The following CYP3A4 variants were observed in gnomAD, a reference collection of about 807,000 sequenced individuals.
CYP3A4 encodes cytochrome P450 family 3 subfamily A member 4, also known as cytochrome P450 3A4.
CYP3A4 carries 41 observed loss-of-function variants against 54.9 expected under a neutral mutation model. The ratio of observed to expected loss-of-function variants is 0.75; its 90% CI spans 0.58 to 0.97. The LOEUF is 0.97. CYP3A4 is among the 50% of genes least tolerant of loss of function. The pLI, the probability that CYP3A4 is intolerant of heterozygous loss-of-function variation, is 0.00. For synonymous variants in CYP3A4, 179 were observed against 205.2 expected, an observed-to-expected ratio of 0.87 and a Z score of 1.09; for missense variants, 510 against 597.3, an observed-to-expected ratio of 0.85 and a Z score of 1.52.
chr7:99,778,769 T>C (rs956333253), intron 2 of CYP3A4, among the ~76,000 whole-genome samples: 3 of 152,226 alleles, frequency 2.0e-5, no homozygotes, highest in African/African-American at 7.2e-5. Flanking sequence ...CAAACCTTCC[T>C]GTATCGACAT....
At chr7:99,759,889 C>T (rs1452703885) in intron 12 of CYP3A4, among the ~76,000 whole-genome samples, 6 of 151,786 alleles carry the variant, frequency 4.0e-5, no homozygotes, top group African/African-American at 1.2e-4. Flanking sequence ...GGCTGGAGTG[C>T]AGTGGCCCAA....
At chr7:99,759,897 C>T (rs560000825) in intron 12 of CYP3A4, among the ~76,000 whole-genome samples, 1 of 152,034 alleles carries the variant, frequency 6.6e-6, no homozygotes, top group South Asian at 2.1e-4. Context: ...TGCAGTGGCC[C>T]AATCTCGGCT....
intron 7 of CYP3A4, among the ~76,000 whole-genome samples, chr7:99,767,821 G>A (rs1815513019): frequency 6.6e-6 from 1 of 152,146 alleles, no homozygotes; most frequent in Non-Finnish European, 1.5e-5. Context: ...AAACTAAGAT[G>A]TGATAGACCA....
intron 1 of CYP3A4, among the ~76,000 whole-genome samples, chr7:99,781,502 TG>T (rs1815923292): frequency 6.6e-6 from 1 of 152,200 alleles, no homozygotes; most frequent in Non-Finnish European, 1.5e-5. Context: ...TCATCTTTGA[TG>T]GGTCATGTAT....
At chr7:99,768,984 A>G (rs1815555898) in intron 6 of CYP3A4, among the ~76,000 whole-genome samples, 1 of 152,076 alleles carries the variant, frequency 6.6e-6, no homozygotes, top group Admixed American at 6.5e-5. Context: ...TAGAAATATC[A>G]TCCTTATTCT....
At chr7:99,772,777 CT>C in intron 3 of CYP3A4, 88 bp from the exon 4 acceptor site, 1 of 1,330,664 alleles carries the variant, frequency 7.5e-7, no homozygotes, top group Non-Finnish European at 1.1e-6. Context: ...TTGATCCTGA[CT>C]TTACATAATC....
Position 99,767,131 on chromosome 7 carries a change from C to T in CYP3A4, c.798G>A (p.Lys266=). Residue 266 remains lysine, a splice_region_variant and synonymous_variant, in exon 8 of 13, where the codon AAG becomes AAA. Transcript: ENST00000651514. The stretch of plus-strand genomic sequence containing the variant: ...TCCTATAACTACCACCACATTTTAC[C>T]TTTTGTGTATCTTCGAGGCGACTTT... ...MKESRLEDTQ[K]HRVDFLQLMI... The T allele has an allele frequency of 6.2e-7, 1 of 1,607,682 alleles. No homozygotes were observed. The highest frequency in any genetic ancestry group is 8.5e-7 in the Non-Finnish European group (1 of 1,177,746).
At position 99,770,250 on chromosome 7, in the gene CYP3A4, A is replaced by G. The variant is rs1302250255; in HGVS notation, c.319-15T>C. The stretch of plus-strand genomic sequence containing the variant: ...GGACCAAAAGGCTAGAGTTCAAAGC[A>G]GAAACATTTTGTCCTACATCAGTTG... On this transcript the variant is annotated splice_polypyrimidine_tract_variant and intron_variant, in intron 4 of 12. Transcript: ENST00000651514. The G allele has an allele frequency of 6.3e-7, 1 of 1,597,314 alleles. No homozygotes were observed. The highest frequency in any genetic ancestry group is 2.2e-5 in the East Asian group (1 of 44,756).
chr7:99,774,590 C>T (rs1815712026), intron 3 of CYP3A4, among the ~76,000 whole-genome samples: 1 of 152,112 alleles, frequency 6.6e-6, no homozygotes, highest in Non-Finnish European at 1.5e-5. Context: ...ATGACAAAAA[C>T]CACATAATTA....
At chr7:99,781,341 CA>C (rs1340526147) in intron 1 of CYP3A4, among the ~76,000 whole-genome samples, 1 of 152,150 alleles carries the variant, frequency 6.6e-6, no homozygotes, top group Non-Finnish European at 1.5e-5. Flanking sequence ...TTCTTTATAA[CA>C]ATGCAAGAAA....
chr7:99,771,023 C>G (rs1001950465), intron 4 of CYP3A4, among the ~76,000 whole-genome samples: 8 of 152,118 alleles, frequency 5.3e-5, no homozygotes, highest in African/African-American at 1.9e-4. Context: ...CTAAATGATG[C>G]TTAATGATGA....
At chr7:99,772,757 A>G in intron 3 of CYP3A4, 68 bp from the exon 4 acceptor site, 1 of 1,534,412 alleles carries the variant, frequency 6.5e-7, no homozygotes, top group Non-Finnish European at 9.0e-7. Context: ...CCAACCCAGG[A>G]AGCCAGACTT....
chr7:99,769,562 G>A (rs1192234254), intron 6 of CYP3A4: 10 of 591,894 alleles, frequency 1.7e-5, no homozygotes, highest in Middle Eastern at 9.2e-4. Flanking sequence ...TGGCCCCTGT[G>A]CACAGGGGAG....
In CYP3A4 at chr7:99,757,472, A is replaced by G. The variant is rs1468379380; in HGVS notation, c.*661T>C. 1.3e-5 allele frequency: 2 copies of G among 152,600 alleles called. No homozygotes were observed. The highest frequency in any genetic ancestry group is 6.5e-5 in the Admixed American group (1 of 15,302). The allele number at this position is 152,600 out of a possible 1,614,324, so 9.5% of individuals were successfully genotyped here. A position where few individuals can be genotyped will look rare whatever the true frequency, so the allele number is the denominator to read the frequency against. On this transcript the variant is annotated 3_prime_UTR_variant, in exon 13 of 13. Transcript: ENST00000651514. ...GGCGTGAGCCACTGTGCCTGATCAA[A>G]AAAGGCATAATTAAACTATGAATAT...
At chr7:99,774,844 C>A (rs990407547) in intron 3 of CYP3A4, among the ~76,000 whole-genome samples, 7 of 152,110 alleles carry the variant, frequency 4.6e-5, no homozygotes, top group African/African-American at 1.7e-4. Context: ...CTGAATAGGG[C>A]AATCAGGCAA....
rs747800894 is a variant in CYP3A4 at position 99,760,937 on chromosome 7, G to A, written c.1298C>T (p.Thr433Ile). The A allele has an allele frequency of 1.2e-6, 2 of 1,614,098 alleles. No homozygotes were observed. The highest frequency in any genetic ancestry group is 1.7e-6 in the Non-Finnish European group (2 of 1,179,976). ...NKDNIDPYIYTPFGSGPRNCI... is the reference protein window; with the variant it reads ...NKDNIDPYIYIPFGSGPRNCI... ...GTTTCTGGGTCCACTTCCAAAGGGT[G>A]TGTATATGTAAGGATCTATGTTGTC... Residue 433 changes from threonine (T) to isoleucine (I), a missense_variant, in exon 12 of 13, where the codon ACA (threonine) becomes ATA (isoleucine). By Grantham distance (89) the Thr-to-Ile change is moderately conservative. This residue lies in a region of CYP3A4 where 238 missense variants were observed against 322.5 expected (regional missense o/e 0.74). Transcript: ENST00000651514.
intron 7 of CYP3A4, 72 bp downstream of exon 7, chr7:99,768,282 T>G: frequency 6.9e-7 from 1 of 1,455,292 alleles, no homozygotes; most frequent in South Asian, 1.2e-5. Context: ...AATTACATGG[T>G]GATTTATATC....
At chr7:99,777,476 TTGTGTGTG>T (rs10554527) in intron 3 of CYP3A4, among the ~76,000 whole-genome samples, 10,443 of 146,620 alleles carry the variant, frequency 0.071, 621 homozygotes, top group African/African-American at 0.16. Context: ...ATGTCACTAG[TTGTGTGTG>T]TGTGTGTGTG....
At chr7:99,783,528 T>C (rs996353997) in intron 1 of CYP3A4, among the ~76,000 whole-genome samples, 21 of 152,068 alleles carry the variant, frequency 1.4e-4, no homozygotes, top group Non-Finnish European at 2.6e-4. Flanking sequence ...ATTTATTCCT[T>C]TATAGAGCTG....
Sources: gnomAD v4.1 joint callset for allele counts (sites outside exome capture counted in the v4.1 genomes callset) on GRCh38, gnomAD v4.1.1 for gene constraint, gnomAD v4.1.1 regional missense constraint, MANE v1.5 for transcripts, NCBI Gene and HGNC (gene_info 2026-07-23, HGNC 2026-07-21) for gene names.